TTBK2: variants seen among roughly 807,000 people sequenced by gnomAD.
TTBK2 encodes the protein tau-tubulin kinase 2.
In TTBK2, 28 loss-of-function variants were observed where a neutral mutation model predicts 110.8. The observed-to-expected ratio is 0.25, with a 90% CI of 0.19 to 0.35. The LOEUF (loss-of-function observed/expected upper bound fraction) is 0.35, where lower values mean the gene tolerates loss of function less well. Among genes scored for constraint, TTBK2 ranks in the 10% least tolerant of loss-of-function variants. The pLI, the probability that TTBK2 is intolerant of heterozygous loss-of-function variation, is 1.00. For missense variants in TTBK2, 1,369 were observed against 1,500.3 expected, an observed-to-expected ratio of 0.91 and a Z score of 1.45; for synonymous variants, 532 against 527.3, an observed-to-expected ratio of 1.01 and a Z score of -0.12.
rs756287860 is a variant in TTBK2, at chr15:42,794,781, G to T, written c.843C>A (p.Asp281Glu). ...PDYQLLTSVF[D>E]NSIKTFGVIE... ...TTACTCCAAAAGTCTTGATGCTATT[G>T]TCAAACACGGATGTAAGAAGCTAAA... Residue 281 changes from aspartate (D) to glutamate (E), a missense_variant, in exon 10 of 15, where the codon GAC becomes GAA. Physicochemically the swap from Asp to Glu is conservative, Grantham distance 45. Transcript: ENST00000267890. 1.7e-5 allele frequency: 27 copies of T among 1,613,942 alleles called. No homozygotes were observed. Among genetic ancestry groups the T allele is most frequent in the Non-Finnish European group, 2.5e-6 (3 of 1,180,024 alleles).
intron 4 of TTBK2, among the ~76,000 whole-genome samples, chr15:42,835,739 A>G (rs1286384375): frequency 6.6e-6 from 1 of 152,004 alleles, no homozygotes; most frequent in Non-Finnish European, 1.5e-5. Flanking sequence ...TTACTTTAAG[A>G]AAAAAAAGAG....
At chr15:42,768,387 CT>C (rs1329768038) in intron 13 of TTBK2, among the ~76,000 whole-genome samples, 2 of 152,234 alleles carry the variant, frequency 1.3e-5, no homozygotes, top group Admixed American at 6.5e-5. Context: ...CCAAAATCTT[CT>C]TAAGCTGATA....
intron 3 of TTBK2, among the ~76,000 whole-genome samples, chr15:42,858,946 C>T (rs1894050306): frequency 6.6e-6 from 1 of 152,060 alleles, no homozygotes; most frequent in Admixed American, 6.6e-5. Flanking sequence ...AGAAAAATTC[C>T]CTCATGCTTC....
At chr15:42,828,479 G>T (rs1892620339) in intron 5 of TTBK2, among the ~76,000 whole-genome samples, 1 of 151,850 alleles carries the variant, frequency 6.6e-6, no homozygotes, top group Non-Finnish European at 1.5e-5. Flanking sequence ...ATTTTGGGAG[G>T]CCGAGGTGGG....
At chr15:42,820,950 A>G (rs1256368382) in intron 6 of TTBK2, among the ~76,000 whole-genome samples, 1 of 152,028 alleles carries the variant, frequency 6.6e-6, no homozygotes, top group East Asian at 1.9e-4. Context: ...ATTTAGGAGG[A>G]TGTGGCAGGA....
chr15:42,773,838 C>G (rs1447907823), intron 13 of TTBK2, among the ~76,000 whole-genome samples: 1 of 150,654 alleles, frequency 6.6e-6, no homozygotes, highest in Non-Finnish European at 1.5e-5. Flanking sequence ...GTAGTTACCT[C>G]CCTCTAGCCC....
intron 3 of TTBK2, among the ~76,000 whole-genome samples, chr15:42,857,946 G>C (rs760527935): frequency 6.6e-6 from 1 of 151,992 alleles, no homozygotes; most frequent in Non-Finnish European, 1.5e-5. Flanking sequence ...AGCCAGGCAT[G>C]GTGGCACATG....
At chr15:42,775,972 T>C (rs138668592) in intron 12 of TTBK2, among the ~76,000 whole-genome samples, 40 of 152,318 alleles carry the variant, frequency 2.6e-4, no homozygotes, top group Middle Eastern at 3.4e-3. Context: ...CAACTTTTTA[T>C]TGAACTGAGC....
At chr15:42,773,762 G>T (rs1333264372) in intron 13 of TTBK2, among the ~76,000 whole-genome samples, 1 of 152,186 alleles carries the variant, frequency 6.6e-6, no homozygotes, top group Non-Finnish European at 1.5e-5. Context: ...AAGGTGGAAA[G>T]AGTGGATGAA....
chr15:42,763,592 T>C (rs1327574532), intron 13 of TTBK2, among the ~76,000 whole-genome samples: 2 of 152,120 alleles, frequency 1.3e-5, no homozygotes, highest in African/African-American at 4.8e-5. Context: ...ACGTTTGAGA[T>C]GATGTAGATG....
intron 13 of TTBK2, among the ~76,000 whole-genome samples, chr15:42,769,942 G>A (rs910435172): frequency 1.3e-5 from 2 of 152,140 alleles, no homozygotes; most frequent in Non-Finnish European, 2.9e-5. Context: ...ATGAGTTCAT[G>A]TCCTTTGCAG....
At chr15:42,824,526 A>C (rs983619061) in intron 6 of TTBK2, among the ~76,000 whole-genome samples, 14 of 152,220 alleles carry the variant, frequency 9.2e-5, no homozygotes, top group Non-Finnish European at 1.3e-4. Flanking sequence ...TAGAAAACAA[A>C]GAAAAATATA....
intron 9 of TTBK2, among the ~76,000 whole-genome samples, chr15:42,806,643 C>T (rs1891480557): frequency 6.6e-6 from 1 of 152,276 alleles, no homozygotes; most frequent in East Asian, 1.9e-4. Flanking sequence ...CATGTTCTTC[C>T]CTTGGCTTGT....
Position 42,775,800 on chromosome 15 carries a change from C to T in TTBK2, c.1410-77G>A, listed in dbSNP as rs749624848. The T allele has an allele frequency of 2.0e-4, 225 of 1,129,906 alleles. 1 individual carries two copies. Among genetic ancestry groups the T allele is most frequent in the Middle Eastern group, 5.9e-4 (2 of 3,396 alleles). 70.0% of individuals were successfully genotyped at this position (1,129,906 alleles called of 1,614,324 possible). A position where few individuals can be genotyped will look rare whatever the true frequency, so the allele number is the denominator to read the frequency against. ...TATAATATATAAGCTCCATAAAGAA[C>T]TAATATGGACACAAAGATGAGAGAA... On this transcript the variant is annotated intron_variant, in intron 12 of 14. Coordinates refer to ENST00000267890, the MANE Select transcript of TTBK2 (RefSeq NM_173500.4).
intron 4 of TTBK2, among the ~76,000 whole-genome samples, chr15:42,837,657 C>CAAAAA (rs35898464): frequency 2.5e-5 from 1 of 39,992 alleles, no homozygotes; most frequent in Non-Finnish European, 4.9e-5. Flanking sequence ...GACTCTGTCT[C>CAAAAA]AAAAAAAAAA....
chr15:42,745,726 T>A lies in TTBK2; in HGVS notation c.*69A>T, dbSNP rs1349319598. On this transcript the variant is annotated 3_prime_UTR_variant, in exon 15 of 15. Coordinates refer to ENST00000267890, the MANE Select transcript of TTBK2 (RefSeq NM_173500.4). Reference sequence around the variant, plus strand: ...AACACTGATTTTTTTACATAGAAAGTACAGGGACACACATGCATCAGGTTT... The same window carrying A: ...AACACTGATTTTTTTACATAGAAAGAACAGGGACACACATGCATCAGGTTT... 1.3e-6 allele frequency: 2 copies of A among 1,562,182 alleles called. No individual in the cohort carries two copies. The highest frequency in any genetic ancestry group is 2.2e-5 in the East Asian group (1 of 44,614).
At chr15:42,889,354 C>A (rs1330575788) in intron 1 of TTBK2, among the ~76,000 whole-genome samples, 1 of 152,186 alleles carries the variant, frequency 6.6e-6, no homozygotes, top group Non-Finnish European at 1.5e-5. Flanking sequence ...CCACCGTGGT[C>A]ATTTCTTCCC....
intron 9 of TTBK2, among the ~76,000 whole-genome samples, chr15:42,803,482 G>A (rs1382001374): frequency 6.6e-6 from 1 of 152,146 alleles, no homozygotes; most frequent in African/African-American, 2.4e-5. Context: ...CCCAGGACCT[G>A]AGGCAGGGTA....
intron 9 of TTBK2, chr15:42,801,430 C>T (rs766460408): frequency 7.7e-5 from 75 of 974,036 alleles, no homozygotes; most frequent in Non-Finnish European, 1.1e-4. Context: ...CCAGGGAAGC[C>T]CTCTGGCCTT....
Sources: gnomAD v4.1 joint callset for allele counts (sites outside exome capture counted in the v4.1 genomes callset) on GRCh38, gnomAD v4.1.1 for gene constraint, MANE v1.5 for transcripts, NCBI Gene and HGNC (gene_info 2026-07-23, HGNC 2026-07-21) for gene names.